The following ETV6 variants were observed in gnomAD, a reference collection of about 807,000 sequenced individuals.
ETV6 encodes the protein transcription factor ETV6.
ETV6 carries 16 observed loss-of-function variants against 51.1 expected under a neutral mutation model. That is an observed-to-expected ratio of 0.31 (90% CI 0.21 to 0.48). The LOEUF (loss-of-function observed/expected upper bound fraction) is 0.48, where lower values mean the gene tolerates loss of function less well. ETV6 is among the 20% of genes least tolerant of loss of function. The pLI, the probability that ETV6 is intolerant of heterozygous loss-of-function variation, is 0.99. For missense variants in ETV6, 458 were observed against 594.8 expected, an observed-to-expected ratio of 0.77 and a Z score of 2.39; for synonymous variants, 240 against 224.1, an observed-to-expected ratio of 1.07 and a Z score of -0.64.
intron 3 of ETV6, chr12:11,840,746 T>A (rs1946377611): frequency 3.1e-6 from 1 of 319,068 alleles, no homozygotes; most frequent in Admixed American, 4.5e-5. Context: ...TCTTCAAAAT[T>A]GAGTAATTTG....
intron 2 of ETV6, among the ~76,000 whole-genome samples, chr12:11,832,544 C>T (rs1403795606): frequency 6.6e-6 from 1 of 152,192 alleles, no homozygotes. Context: ...AATGTGGGTA[C>T]GAAATAAAAC....
At chr12:11,813,763 G>A (rs922091684) in intron 2 of ETV6, among the ~76,000 whole-genome samples, 11 of 152,220 alleles carry the variant, frequency 7.2e-5, no homozygotes, top group African/African-American at 2.7e-4. Context: ...GTTGCATATT[G>A]TTCCTTGGAT....
At chr12:11,670,270 A>G (rs1214040275) in intron 1 of ETV6, among the ~76,000 whole-genome samples, 1 of 152,230 alleles carries the variant, frequency 6.6e-6, no homozygotes, top group Non-Finnish European at 1.5e-5. Context: ...TCAAATTTCT[A>G]ATAACTAAGA....
chr12:11,848,328 A>T (rs1286277335), intron 3 of ETV6, among the ~76,000 whole-genome samples: 1 of 152,216 alleles, frequency 6.6e-6, no homozygotes, highest in East Asian at 1.9e-4. Flanking sequence ...GAGAGGAACA[A>T]GATTCAAACT....
intron 2 of ETV6, among the ~76,000 whole-genome samples, chr12:11,766,187 C>A (rs529573924): frequency 9.2e-5 from 14 of 152,190 alleles, no homozygotes; most frequent in Non-Finnish European, 1.9e-4. Flanking sequence ...CAGGACTCAG[C>A]TGCCAAAGTT....
rs143757287 is a variant in ETV6 at position 11,814,844 on chromosome 12, T to G, written c.164-24296T>G. 3.9e-5 allele frequency among the ~76,000 whole-genome samples: 6 copies of G among 152,316 alleles called. No homozygotes were observed. The East Asian group carries it at 1.2e-3, about 29-fold the overall frequency. ...GAAAGAAATGTGAGCAGAATGCCCCTCTTTTCGCCTGCTTCTGCCTTGCAT... is the reference window on the plus strand; with the variant it reads ...GAAAGAAATGTGAGCAGAATGCCCCGCTTTTCGCCTGCTTCTGCCTTGCAT... On this transcript the variant is annotated intron_variant, in intron 2 of 7. Transcript: ENST00000396373.
intron 2 of ETV6, among the ~76,000 whole-genome samples, chr12:11,783,843 TG>T (rs1482053165): frequency 7.2e-5 from 11 of 152,140 alleles, no homozygotes; most frequent in Non-Finnish European, 2.9e-5. Context: ...TGTGGTTGGT[TG>T]TTTTTTTGTT....
chr12:11,869,352 G>A lies in ETV6; in HGVS notation c.464-72G>A, dbSNP rs1946840543. The A allele has an allele frequency of 7.0e-7, 1 of 1,423,088 alleles. No individual in the cohort carries two copies. The highest frequency in any genetic ancestry group is 1.3e-5 in the South Asian group (1 of 76,834). The allele number at this position is 1,423,088 out of a possible 1,614,324, so 88.2% of individuals were successfully genotyped here. On this transcript the variant is annotated intron_variant, in intron 4 of 7. Transcript: ENST00000396373. The surrounding 1 kb of genome is among the most constrained non-coding windows in gnomAD (Gnocchi z 5.0). ...CTACACGCTCCTCCATTTACCGCCT[G>A]TAGAGCCGCAGGGAGTTTCCTGTCC...
chr12:11,720,258 T>A (rs984065538), intron 1 of ETV6, among the ~76,000 whole-genome samples: 25 of 152,154 alleles, frequency 1.6e-4, no homozygotes, highest in Non-Finnish European at 1.5e-4. Flanking sequence ...GCCTTGAGAG[T>A]GTTGTCAAAG....
intron 2 of ETV6, among the ~76,000 whole-genome samples, chr12:11,793,101 T>G (rs1476016017): frequency 2.0e-5 from 3 of 152,194 alleles, no homozygotes; most frequent in Admixed American, 6.5e-5. Context: ...CTTAACATAT[T>G]CTCTGTATAC....
At chr12:11,698,425 G>T (rs1591616503) in intron 1 of ETV6, among the ~76,000 whole-genome samples, 1 of 152,182 alleles carries the variant, frequency 6.6e-6, no homozygotes, top group East Asian at 1.9e-4. Flanking sequence ...CCAGGGCTGT[G>T]TTCTGATCTG....
chr12:11,697,979 A>G (rs1864909025), intron 1 of ETV6, among the ~76,000 whole-genome samples: 1 of 152,236 alleles, frequency 6.6e-6, no homozygotes. Context: ...TGACTTGCCT[A>G]ATTTGAAAAT....
At chr12:11,845,991 CAA>C (rs60730342) in intron 3 of ETV6, among the ~76,000 whole-genome samples, 9 of 117,944 alleles carry the variant, frequency 7.6e-5, no homozygotes, top group Admixed American at 8.8e-5. Flanking sequence ...GACTCCGTCT[CAA>C]AAAAAAAAAA....
At chr12:11,666,297 A>AT (rs140343840) in intron 1 of ETV6, among the ~76,000 whole-genome samples, 4,709 of 152,110 alleles carry the variant, frequency 0.031, 249 homozygotes, top group African/African-American at 0.11. Context: ...TGTACAGCCC[A>AT]TGTTCTCTCC....
intron 1 of ETV6, among the ~76,000 whole-genome samples, chr12:11,744,527 A>G (rs1414267550): frequency 6.6e-6 from 1 of 152,232 alleles, no homozygotes; most frequent in Non-Finnish European, 1.5e-5. Flanking sequence ...ATGGTTCTGT[A>G]TAAATAAAGT....
At chr12:11,716,185 G>A (rs1865273028) in intron 1 of ETV6, among the ~76,000 whole-genome samples, 1 of 151,976 alleles carries the variant, frequency 6.6e-6, no homozygotes, top group African/African-American at 2.4e-5. Flanking sequence ...ATGAAAATTA[G>A]CCGGGCATGG....
At chr12:11,716,175 A>G (rs111251627) in intron 1 of ETV6, among the ~76,000 whole-genome samples, 9,398 of 151,828 alleles carry the variant, frequency 0.062, 925 homozygotes, top group African/African-American at 0.21. Flanking sequence ...CCTGGCTAAC[A>G]TGAAAATTAG....
chr12:11,749,282 CCCCCAT>C (rs975825976), intron 1 of ETV6, among the ~76,000 whole-genome samples: 1 of 139,204 alleles, frequency 7.2e-6, no homozygotes, highest in Non-Finnish European at 1.5e-5. Flanking sequence ...ATCGTTATCC[CCCCCAT>C]ACACACACAC....
intron 5 of ETV6, among the ~76,000 whole-genome samples, chr12:11,883,246 A>AC (rs1947128121): frequency 6.8e-6 from 1 of 147,058 alleles, no homozygotes; most frequent in South Asian, 2.1e-4. Context: ...AAGTCATAGA[A>AC]CAAGGGGAAG....
Sources: allele counts gnomAD v4.1 joint callset (sites outside exome capture counted in the v4.1 genomes callset), GRCh38; gene constraint gnomAD v4.1.1; non-coding constraint Gnocchi (gnomAD v3.1); transcripts MANE v1.5; gene names NCBI Gene and HGNC (gene_info 2026-07-23, HGNC 2026-07-21).